The following LRP1B variants were observed in gnomAD, a reference collection of about 807,000 sequenced individuals.
LRP1B encodes the protein low-density lipoprotein receptor-related protein 1B.
LRP1B carries 217 observed loss-of-function variants against 556.6 expected under a neutral mutation model. The observed-to-expected ratio is 0.39, with a 90% CI of 0.35 to 0.44. The LOEUF is 0.44. Among genes scored for constraint, LRP1B ranks in the 20% least tolerant of loss-of-function variants. The pLI is 1.00. For synonymous variants in LRP1B, 2,047 were observed against 1,865.8 expected (o/e 1.10, Z -2.50); for missense variants, 5,053 against 5,620.8 (o/e 0.90, Z 3.23).
At chr2:141,921,327 T>G (rs188209078) in intron 1 of LRP1B, among the ~76,000 whole-genome samples, 47 of 152,154 alleles carry the variant, frequency 3.1e-4, no homozygotes, top group Middle Eastern at 6.8e-3. Context: ...ATCAGCTTTC[T>G]GGTAAAACTT....
intron 5 of LRP1B, among the ~76,000 whole-genome samples, chr2:141,241,618 C>A (rs1438169883): frequency 6.6e-6 from 1 of 152,014 alleles, no homozygotes; most frequent in Non-Finnish European, 1.5e-5. Context: ...CCCCAACATC[C>A]CAGTACCCTC....
At chr2:140,466,479 T>C (rs1026935248) in intron 60 of LRP1B, among the ~76,000 whole-genome samples, 2 of 152,156 alleles carry the variant, frequency 1.3e-5, no homozygotes, top group African/African-American at 4.8e-5. Flanking sequence ...TATGAGGCTC[T>C]TCAGGTCTAG....
chr2:141,214,503 G>C (rs1028113195), intron 6 of LRP1B, among the ~76,000 whole-genome samples: 1 of 152,148 alleles, frequency 6.6e-6, no homozygotes, highest in Non-Finnish European at 1.5e-5. Flanking sequence ...AAATAGCAGA[G>C]CTTCCTTCAC....
chr2:140,309,194 A>G (rs374507230), intron 83 of LRP1B, among the ~76,000 whole-genome samples: 4 of 151,926 alleles, frequency 2.6e-5, no homozygotes, highest in East Asian at 3.9e-4. Context: ...TCTTAAGCAT[A>G]AAAAAGATTA....
chr2:141,632,833 A>G (rs1688960602), intron 2 of LRP1B, among the ~76,000 whole-genome samples: 1 of 149,592 alleles, frequency 6.7e-6, no homozygotes, highest in Non-Finnish European at 1.5e-5. Flanking sequence ...CACACAGACT[A>G]CTATGAGAAT....
At chr2:140,587,021 C>A (rs566453229) in intron 43 of LRP1B, among the ~76,000 whole-genome samples, 1 of 151,464 alleles carries the variant, frequency 6.6e-6, no homozygotes, top group Non-Finnish European at 1.5e-5. Context: ...AGAAAGAAAC[C>A]GGAACAAAAT....
rs754563870 is a variant in LRP1B, at chr2:141,062,127, A to G, written c.1160T>C (p.Val387Ala). 4 of 1,612,080 alleles carry G rather than the reference A, an allele frequency of 2.5e-6. No individual in the cohort carries two copies. Among genetic ancestry groups the G allele is most frequent in the Non-Finnish European group, 3.4e-6 (4 of 1,178,728 alleles). The change falls in exon 8 of 91, where the codon GTA becomes GCA. Residue 387 changes from valine to alanine, a missense_variant. Around this residue, in one of 5 missense-constraint regions of LRP1B, gnomAD observed 3,619 missense variants for 3,931.9 expected, o/e 0.92. Transcript: ENST00000389484. ...LDLVNKLVYW[V>A]DLYLDYVGVV... ...TCCCACATAGTCCAAGTAAAGATCT[A>G]CCCAGTAAACCAATTTGTTGACTAG...
At chr2:141,481,923 C>A (rs1359871258) in intron 2 of LRP1B, among the ~76,000 whole-genome samples, 1 of 152,102 alleles carries the variant, frequency 6.6e-6, no homozygotes, top group Admixed American at 6.5e-5. Context: ...AGGTAAGTTG[C>A]TTTTTGGTAA....
At chr2:141,140,695 C>A (rs1701628422) in intron 7 of LRP1B, among the ~76,000 whole-genome samples, 1 of 152,168 alleles carries the variant, frequency 6.6e-6, no homozygotes, top group Non-Finnish European at 1.5e-5. Flanking sequence ...TGACCTTGGA[C>A]TTCCACCCTT....
intron 3 of LRP1B, among the ~76,000 whole-genome samples, chr2:141,302,268 G>T (rs984848444): frequency 6.6e-6 from 1 of 151,952 alleles, no homozygotes; most frequent in African/African-American, 2.4e-5. Context: ...TAACTCAAAA[G>T]GAAACTTTAT....
At chr2:140,237,569 C>T (rs1213188496) in intron 89 of LRP1B, among the ~76,000 whole-genome samples, 3 of 150,714 alleles carry the variant, frequency 2.0e-5, no homozygotes, top group Non-Finnish European at 4.5e-5. Flanking sequence ...TGTAAGTATC[C>T]AGTTCCTACC....
intron 1 of LRP1B, among the ~76,000 whole-genome samples, chr2:141,998,715 G>A (rs1037236960): frequency 1.4e-4 from 22 of 152,092 alleles, no homozygotes; most frequent in African/African-American, 3.9e-4. Context: ...ACATAGATTC[G>A]GTCTGAAAGG....
chr2:140,446,386 T>C (rs914524572), intron 63 of LRP1B, among the ~76,000 whole-genome samples: 1 of 152,182 alleles, frequency 6.6e-6, no homozygotes, highest in African/African-American at 2.4e-5. Flanking sequence ...AGAATTTTGA[T>C]GCATTGCTCT....
At chr2:140,239,953 T>C (rs574280955) in intron 87 of LRP1B, among the ~76,000 whole-genome samples, 1 of 151,038 alleles carries the variant, frequency 6.6e-6, no homozygotes, top group Non-Finnish European at 1.5e-5. Flanking sequence ...TCATCCATAC[T>C]TTCTGGTCAG....
intron 11 of LRP1B, among the ~76,000 whole-genome samples, chr2:141,021,928 G>GT (rs1698075022): frequency 1.3e-5 from 2 of 151,814 alleles, no homozygotes; most frequent in South Asian, 2.1e-4. Context: ...GTTCATGTTA[G>GT]TTTTTATTAA....
Position 140,622,012 on chromosome 2 carries a change from A to G in LRP1B, c.6800-20373T>C, listed in dbSNP as rs569887312. Among the ~76,000 whole-genome samples the G allele has an allele frequency of 2.5e-4, 38 of 152,358 alleles. 2 individuals are homozygous for G. In the South Asian group the frequency reaches 7.9e-3, roughly 32 times the overall value. ...AGCCTTAATTCAATGAAATCTGCTA[A>G]TTCATGCTTTTTCTTGTAAGCTAAC... On this transcript the variant is annotated intron_variant, in intron 41 of 90. Coordinates refer to ENST00000389484, the MANE Select transcript of LRP1B (RefSeq NM_018557.3).
intron 35 of LRP1B, among the ~76,000 whole-genome samples, chr2:140,758,138 C>T (rs1688798683): frequency 6.6e-6 from 1 of 152,050 alleles, no homozygotes; most frequent in African/African-American, 2.4e-5. Context: ...TAAAAATTTA[C>T]AGCCAAAACT....
At chr2:140,680,338 C>T (rs957776539) in intron 41 of LRP1B, among the ~76,000 whole-genome samples, 12 of 148,932 alleles carry the variant, frequency 8.1e-5, no homozygotes, top group South Asian at 2.3e-4. Context: ...AACCTTCTTG[C>T]GGGTTGCAGA....
chr2:140,713,322 A>C (rs1687098739), intron 37 of LRP1B, among the ~76,000 whole-genome samples: 1 of 110,762 alleles, frequency 9.0e-6, no homozygotes, highest in Admixed American at 9.8e-5. Context: ...AAAAAGGTAT[A>C]GAATTTTTTT....
Sources: allele counts gnomAD v4.1 joint callset (sites outside exome capture counted in the v4.1 genomes callset), GRCh38; gene constraint gnomAD v4.1.1; regional missense constraint gnomAD v4.1.1; transcripts MANE v1.5; gene names NCBI Gene and HGNC (gene_info 2026-07-23, HGNC 2026-07-21).